The following PDE11A variants were observed in gnomAD, a reference collection of about 807,000 sequenced individuals.
PDE11A encodes phosphodiesterase 11A, also known as dual 3',5'-cyclic-AMP and -GMP phosphodiesterase 11A.
Under a neutral mutation model 100.5 loss-of-function variants are expected in PDE11A, and 100 were observed. The observed-to-expected ratio is 1.00, with a 90% CI of 0.85 to 1.18. PDE11A has a LOEUF of 1.18. Ranked by LOEUF, PDE11A falls within the 50% of genes most tolerant of loss-of-function variation. The probability of loss-of-function intolerance (pLI) is 0.00; values close to 1 mark genes in which losing one functional copy is unlikely to be tolerated. For synonymous variants in PDE11A, 381 were observed against 420.8 expected (o/e 0.91, Z 1.16); for missense variants, 1,141 against 1,152.6 (o/e 0.99, Z 0.15).
rs764949656 is a variant in PDE11A, at chr2:177,840,257, A to C, written c.1494T>G (p.Asp498Glu). ...ISDAYQDPRFDAEADQISGFH... is the reference protein window; with the variant it reads ...ISDAYQDPRFEAEADQISGFH... ...CCAGAGGGGCTCCTCTTACCTCTGC[A>C]TCAAAGCGCGGATCCTGGTAGGCAT... The change falls in exon 6 of 20, where the codon GAT becomes GAG. Residue 498 changes from aspartate (D) to glutamate (E), a missense_variant. Physicochemically the swap from Asp to Glu is conservative, Grantham distance 45. Coordinates refer to ENST00000286063, the MANE Select transcript of PDE11A (RefSeq NM_016953.4). 51 of 1,614,028 alleles carry C rather than the reference A, an allele frequency of 3.2e-5. No individual in the cohort carries two copies. The highest frequency in any genetic ancestry group is 4.0e-5 in the African/African-American group (3 of 74,950).
intron 2 of PDE11A, among the ~76,000 whole-genome samples, chr2:177,940,572 T>C (rs2085334454): frequency 6.6e-6 from 1 of 152,196 alleles, no homozygotes. Flanking sequence ...TCCTAGCTAA[T>C]ACCATTATCA....
At chr2:177,923,761 A>G (rs2695735) in intron 2 of PDE11A, among the ~76,000 whole-genome samples, 52,609 of 152,064 alleles carry the variant, frequency 0.35, 10,825 homozygotes, top group East Asian at 0.53. Context: ...ATTAACCTTC[A>G]TTTCAGGCAG....
At chr2:177,713,987 CTTTTT>C (rs57211363) in intron 12 of PDE11A, among the ~76,000 whole-genome samples, 80 of 77,398 alleles carry the variant, frequency 1.0e-3, no homozygotes, top group African/African-American at 3.8e-3. Context: ...TTTCTTTTTT[CTTTTT>C]TTTTTTTTTT....
intron 2 of PDE11A, among the ~76,000 whole-genome samples, chr2:177,917,061 C>T (rs2084965745): frequency 6.6e-6 from 1 of 151,684 alleles, no homozygotes. Context: ...CAGGCGTGAG[C>T]CACCATGCCC....
At chr2:177,762,770 G>C (rs1190975972) in intron 10 of PDE11A, among the ~76,000 whole-genome samples, 1 of 152,144 alleles carries the variant, frequency 6.6e-6, no homozygotes, top group Non-Finnish European at 1.5e-5. Flanking sequence ...GAGTGTCCTC[G>C]CTTTGTTTTC....
At chr2:177,792,726 G>T (rs1387162753) in intron 9 of PDE11A, among the ~76,000 whole-genome samples, 1 of 152,162 alleles carries the variant, frequency 6.6e-6, no homozygotes, top group Non-Finnish European at 1.5e-5. Context: ...GACCAAGGTT[G>T]CTGGCCATGG....
intron 19 of PDE11A, among the ~76,000 whole-genome samples, chr2:177,655,010 G>C (rs2080361024): frequency 6.6e-6 from 1 of 152,172 alleles, no homozygotes; most frequent in African/African-American, 2.4e-5. Context: ...AAGACATTTA[G>C]CTTCATTATT....
chr2:177,952,400 A>T (rs994655866), intron 2 of PDE11A, among the ~76,000 whole-genome samples: 2 of 152,186 alleles, frequency 1.3e-5, no homozygotes, highest in Non-Finnish European at 2.9e-5. Context: ...TGTCTTATCT[A>T]AGTGGTAGGC....
intron 2 of PDE11A, among the ~76,000 whole-genome samples, chr2:177,938,805 A>G (rs906327013): frequency 6.6e-6 from 1 of 152,240 alleles, no homozygotes; most frequent in African/African-American, 2.4e-5. Context: ...ATACCACATA[A>G]TATAATCAGG....
At chr2:177,871,721 G>A (rs1002772623) in intron 5 of PDE11A, among the ~76,000 whole-genome samples, 2 of 151,878 alleles carry the variant, frequency 1.3e-5, no homozygotes, top group Admixed American at 6.6e-5. Flanking sequence ...TTAGCCAGGT[G>A]TGGTGGCATG....
At chr2:177,868,403 C>T (rs973885056) in intron 5 of PDE11A, among the ~76,000 whole-genome samples, 9 of 151,856 alleles carry the variant, frequency 5.9e-5, no homozygotes, top group African/African-American at 1.5e-4. Context: ...ATGAGAGCAT[C>T]GATTGTAAGA....
intron 2 of PDE11A, among the ~76,000 whole-genome samples, chr2:177,927,670 T>A (rs2085148897): frequency 6.6e-6 from 1 of 152,206 alleles, no homozygotes; most frequent in Non-Finnish European, 1.5e-5. Flanking sequence ...AGTAACCCAA[T>A]CTTTGCATTA....
chr2:177,675,564 C>A lies in PDE11A; in HGVS notation c.2424-46G>T, dbSNP rs769465504. 424 of 1,437,810 alleles carry A rather than the reference C, an allele frequency of 2.9e-4. 2 individuals carry two copies. The highest frequency in any genetic ancestry group is 3.9e-4 in the Non-Finnish European group (394 of 1,021,014). 89.1% of individuals were successfully genotyped at this position (1,437,810 alleles called of 1,614,324 possible). On this transcript the variant is annotated intron_variant, in intron 16 of 19. Coordinates refer to ENST00000286063, the MANE Select transcript of PDE11A (RefSeq NM_016953.4). The stretch of plus-strand genomic sequence containing the variant: ...AAACAGCCTGAATAATCTTTTGTTG[C>A]ATTCCTAAACAAACCCGTCCTAGAT...
At chr2:177,916,072 A>G (rs1221483803) in intron 2 of PDE11A, among the ~76,000 whole-genome samples, 1 of 152,210 alleles carries the variant, frequency 6.6e-6, no homozygotes, top group Non-Finnish European at 1.5e-5. Context: ...CCAGCTAGAT[A>G]TGAAACTTTG....
chr2:177,629,585 A>G, intron 19 of PDE11A, 23 bp from the exon 20 acceptor site: 1 of 1,613,256 alleles, frequency 6.2e-7, no homozygotes. Flanking sequence ...AAAACAAAAC[A>G]CAGGTGGAGG....
intron 19 of PDE11A, among the ~76,000 whole-genome samples, chr2:177,648,244 TG>T (rs757957882): frequency 6.6e-6 from 1 of 152,210 alleles, no homozygotes; most frequent in Non-Finnish European, 1.5e-5. Flanking sequence ...GGGGCCAGTC[TG>T]TCTACTGGAA....
intron 18 of PDE11A, among the ~76,000 whole-genome samples, chr2:177,665,275 C>T (rs536380814): frequency 8.4e-4 from 121 of 144,328 alleles, no homozygotes; most frequent in Non-Finnish European, 6.0e-5. Context: ...AGTTCAAGAC[C>T]AGCCTGGACA....
rs547992647 is a variant in PDE11A, at chr2:177,647,833, C to G, written c.2646+16033G>C. On this transcript the variant is annotated intron_variant, in intron 19 of 19. Transcript: ENST00000286063. The stretch of plus-strand genomic sequence containing the variant: ...TCTTAATTTTACAGCCTGATAAAGA[C>G]AGTGGGCCAACCTCAGTAGCTCATG... 3.2e-4 allele frequency among the ~76,000 whole-genome samples: 48 copies of G among 152,266 alleles called. No homozygotes were observed. The South Asian group carries it at 8.9e-3, about 28-fold the overall frequency.
intron 19 of PDE11A, among the ~76,000 whole-genome samples, chr2:177,636,585 T>A (rs2080041759): frequency 6.6e-6 from 1 of 152,038 alleles, no homozygotes; most frequent in Non-Finnish European, 1.5e-5. Context: ...ATTATCCTCT[T>A]TATATATATA....
Sources: gnomAD v4.1 joint callset for allele counts (sites outside exome capture counted in the v4.1 genomes callset) on GRCh38, gnomAD v4.1.1 for gene constraint, MANE v1.5 for transcripts, NCBI Gene and HGNC (gene_info 2026-07-23, HGNC 2026-07-21) for gene names.